RNF166: variants seen among roughly 807,000 people sequenced by gnomAD.
RNF166 encodes the protein E3 ubiquitin-protein ligase RNF166.
A neutral mutation model predicts 29.4 loss-of-function variants in RNF166; 19 were observed. The ratio of observed to expected loss-of-function variants is 0.65; its 90% CI spans 0.45 to 0.95. RNF166 has a LOEUF of 0.95. RNF166 is among the 40% of genes least tolerant of loss of function. RNF166 has a pLI of 0.00. For missense variants in RNF166, 347 were observed against 322.1 expected (o/e 1.08, Z -0.59); for synonymous variants, 171 against 134.5 (o/e 1.27, Z -1.88).
At chr16:88,700,689 G>C in intron 2 of RNF166, 4 of 987,386 alleles carry the variant, frequency 4.1e-6, no homozygotes, top group Non-Finnish European at 4.8e-6. Context: ...ACCCTGAAGC[G>C]GATGTGCCAG....
At position 88,703,478 on chromosome 16, in the gene RNF166, A is replaced by G. The variant is rs565699738; in HGVS notation, c.156-2060T>C. 4.3e-5 allele frequency: 42 copies of G among 985,456 alleles called. No individual in the cohort carries two copies. In the African/African-American group the frequency reaches 6.8e-4, roughly 16 times the overall value. 61.0% of individuals were successfully genotyped at this position (985,456 alleles called of 1,614,324 possible). ...CCCGGAAGGACTCAGGAAAGACACA[A>G]GAGGGAACCCAGCCCGACTGGCAGG... On this transcript the variant is annotated intron_variant, in intron 1 of 5. Coordinates refer to ENST00000312838, the MANE Select transcript of RNF166 (RefSeq NM_178841.4).
At chr16:88,700,495 C>G in intron 2 of RNF166, 1 of 614,468 alleles carries the variant, frequency 1.6e-6, no homozygotes, top group Non-Finnish European at 2.0e-6. Flanking sequence ...AGGGCAGCCC[C>G]TGGACATCTG....
In RNF166 at chr16:88,698,855, G is replaced by A. The variant is rs1206657292; in HGVS notation, c.540+116C>T. On this transcript the variant is annotated intron_variant, in intron 4 of 5. Transcript: ENST00000312838. ...AGCCAAGTTCCCACCCTGGGTCCCA[G>A]GAGGCCTTTGTGGCCTGGGCACCCC... is the stretch of plus-strand genomic sequence containing the variant. The A allele has an allele frequency of 1.2e-5, 10 of 825,002 alleles. No individual in the cohort carries two copies. In the East Asian group the frequency reaches 2.1e-4, roughly 18 times the overall value. 51.1% of individuals were successfully genotyped at this position (825,002 alleles called of 1,614,324 possible). A position where few individuals can be genotyped will look rare whatever the true frequency, so the allele number is the denominator to read the frequency against.
At chr16:88,698,871 T>C (rs1034633384) in intron 4 of RNF166, 100 bp downstream of exon 4, 56 of 967,904 alleles carry the variant, frequency 5.8e-5, no homozygotes, top group Non-Finnish European at 8.0e-5. Context: ...CTTTGTGGCC[T>C]GGGCACCCCC....
chr16:88,700,655 C>T lies in RNF166; in HGVS notation c.312+607G>A, dbSNP rs1227620240. 2.4e-5 allele frequency: 24 copies of T among 986,700 alleles called. No individual in the cohort carries two copies. The East Asian group carries it at 3.4e-4, about 14-fold the overall frequency. The allele number at this position is 986,700 out of a possible 1,614,324, so 61.1% of individuals were successfully genotyped here. On this transcript the variant is annotated intron_variant, in intron 2 of 5. Transcript: ENST00000312838. ...AGTCCTCCGGAAGCCACTGAAAGAA[C>T]GGGGCGCTGGCTGGGGCCTCTCCAC...
chr16:88,700,688 CG>C lies in RNF166; in HGVS notation c.312+573del, dbSNP rs1428481195. 37 of 987,482 alleles carry C rather than the reference CG, an allele frequency of 3.7e-5. No homozygotes were observed. The Middle Eastern group carries it at 1.6e-3, about 42-fold the overall frequency. 61.2% of individuals were successfully genotyped at this position (987,482 alleles called of 1,614,324 possible). ...TGGCTGGGGCCTCTCCACCCTGAAGCGGATGTGCCAGGGAGGGCCACGGGGC... is the reference window on the plus strand; with the variant it reads ...TGGCTGGGGCCTCTCCACCCTGAAGCGATGTGCCAGGGAGGGCCACGGGGC... On this transcript the variant is annotated intron_variant, in intron 2 of 5. Transcript: ENST00000312838.
chr16:88,704,434 T>C, intron 1 of RNF166: 2 of 985,416 alleles, frequency 2.0e-6, no homozygotes, highest in Non-Finnish European at 2.4e-6. Context: ...ATAGGAAAGA[T>C]GCTCCACAAT....
rs917283360 is a variant in RNF166 at position 88,704,525 on chromosome 16, T to C, written c.155+1646A>G. The C allele has an allele frequency of 9.1e-6, 9 of 985,246 alleles. No individual in the cohort carries two copies. In the Admixed American group the frequency reaches 1.8e-4, roughly 20 times the overall value. The allele number at this position is 985,246 out of a possible 1,614,324, so 61.0% of individuals were successfully genotyped here. A position where few individuals can be genotyped will look rare whatever the true frequency, so the allele number is the denominator to read the frequency against. On this transcript the variant is annotated intron_variant, in intron 1 of 5. Transcript: ENST00000312838. ...TTGAAAAAGAAGGGCAAAGACCAATTTGTGCAGGTTAGGAAAGTGGAGATG... is the reference window on the plus strand; with the variant it reads ...TTGAAAAAGAAGGGCAAAGACCAATCTGTGCAGGTTAGGAAAGTGGAGATG...
At chr16:88,701,504 G>A in intron 1 of RNF166, 86 bp from the exon 2 acceptor site, 2 of 1,305,024 alleles carry the variant, frequency 1.5e-6, no homozygotes, top group Non-Finnish European at 2.0e-6. Context: ...TTAGGACCCA[G>A]CATTTGTGGG....
intron 1 of RNF166, among the ~76,000 whole-genome samples, chr16:88,702,439 C>T (rs1422463206): frequency 1.3e-5 from 2 of 152,314 alleles, no homozygotes. Context: ...GACAGAGGGG[C>T]TGTGGGCAGG....
At chr16:88,699,753 G>C (rs1378649985) in intron 2 of RNF166, 21 bp from the exon 3 acceptor site, 9 of 1,592,186 alleles carry the variant, frequency 5.7e-6, no homozygotes, top group Non-Finnish European at 7.7e-6. Flanking sequence ...GGGCAGGGAG[G>C]GCAAGGCGGT....
chr16:88,701,345 C>G lies in RNF166; in HGVS notation c.229G>C (p.Asp77His). The change falls in exon 2 of 6, where the codon GAC (aspartate) becomes CAC (histidine). Residue 77 changes from aspartate (D) to histidine (H), a missense_variant. Transcript: ENST00000312838. ...PLCPLCRLPF[D>H]PKKVDKATHV... is the part of the protein sequence containing the mutation. ...GTGGCCTTGTCCACCTTCTTGGGGT[C>G]GAAGGGCAGGCGGCAGAGTGGGCAC... 1.2e-6 allele frequency: 2 copies of G among 1,613,382 alleles called. No homozygotes were observed. Among genetic ancestry groups the G allele is most frequent in the Non-Finnish European group, 1.7e-6 (2 of 1,179,876 alleles).
rs1356291364 is a variant in RNF166, at chr16:88,706,296, C to T, written c.30G>A (p.Ser10=). MAMFRSLVA[S]AQQRQPPAGP... Reference sequence around the variant, plus strand: ...CGGCCGGCGGCTGCCGCTGCTGAGCCGAGGCCACCAGGCTGCGGAACATAG... The same window carrying T: ...CGGCCGGCGGCTGCCGCTGCTGAGCTGAGGCCACCAGGCTGCGGAACATAG... Residue 10 remains serine (S), a synonymous_variant, in exon 1 of 6, where the codon TCG becomes TCA. Transcript: ENST00000312838. The T allele has an allele frequency of 3.1e-6, 4 of 1,276,366 alleles. No homozygotes were observed. Among genetic ancestry groups the T allele is most frequent in the African/African-American group, 1.6e-5 (1 of 63,276 alleles). 79.1% of individuals were successfully genotyped at this position (1,276,366 alleles called of 1,614,324 possible). A position where few individuals can be genotyped will look rare whatever the true frequency, so the allele number is the denominator to read the frequency against.
chr16:88,701,229 C>G, intron 2 of RNF166, 33 bp downstream of exon 2: 1 of 1,612,950 alleles, frequency 6.2e-7, no homozygotes. Context: ...ATCAAGTGAC[C>G]CCGGCTCCAG....
chr16:88,696,799 C>A lies in RNF166; in HGVS notation c.*769G>T. 1 of 356,572 alleles carries A rather than the reference C, an allele frequency of 2.8e-6. No individual in the cohort carries two copies. The allele number at this position is 356,572 out of a possible 1,614,324, so 22.1% of individuals were successfully genotyped here. A position where few individuals can be genotyped will look rare whatever the true frequency, so the allele number is the denominator to read the frequency against. ...TGGGGTGCTGGGATTTCTTCCTGGT[C>A]ATCAAAGAGAAACGTACAAACCTCA... On this transcript the variant is annotated 3_prime_UTR_variant, in exon 6 of 6. Transcript: ENST00000312838.
intron 1 of RNF166, among the ~76,000 whole-genome samples, chr16:88,702,618 CCT>C (rs1346424550): frequency 6.6e-6 from 1 of 152,198 alleles, no homozygotes; most frequent in African/African-American, 2.4e-5. Flanking sequence ...TCCCCCAGGC[CCT>C]CTTTGCCACC....
chr16:88,699,821 G>C (rs1910029481), intron 2 of RNF166, 89 bp from the exon 3 acceptor site: 1 of 862,210 alleles, frequency 1.2e-6, no homozygotes, highest in East Asian at 2.7e-5. Flanking sequence ...TCCAGGACCA[G>C]AGAACTGTAA....
In RNF166 at chr16:88,703,708, C is replaced by A. The variant is rs897919665; in HGVS notation, c.156-2290G>T. 77 of 985,344 alleles carry A rather than the reference C, an allele frequency of 7.8e-5. No homozygotes were observed. In the South Asian group the frequency reaches 1.0e-3, roughly 13 times the overall value. The allele number at this position is 985,344 out of a possible 1,614,324, so 61.0% of individuals were successfully genotyped here. On this transcript the variant is annotated intron_variant, in intron 1 of 5. Transcript: ENST00000312838. ...CTCAGCTGAAGGAAGTGGCTGAGGG[C>A]GATGGGTGTGGGGGCGTCGACAGCC...
intron 1 of RNF166, among the ~76,000 whole-genome samples, chr16:88,704,974 G>C (rs566893866): frequency 6.6e-6 from 1 of 152,186 alleles, no homozygotes; most frequent in Admixed American, 6.5e-5. Context: ...TGGGTGACAA[G>C]AGCAAGACTC....
Sources: gnomAD v4.1 joint callset for allele counts (sites outside exome capture counted in the v4.1 genomes callset) on GRCh38, gnomAD v4.1.1 for gene constraint, MANE v1.5 for transcripts, NCBI Gene and HGNC (gene_info 2026-07-23, HGNC 2026-07-21) for gene names.